COL20A1: variants seen among roughly 807,000 people sequenced by gnomAD.
The protein encoded by COL20A1 is collagen alpha-1(XX) chain.
Under a neutral mutation model 152.9 loss-of-function variants are expected in COL20A1, and 164 were observed. The ratio of observed to expected loss-of-function variants is 1.07; its 90% CI spans 0.94 to 1.22. The LOEUF is 1.22. Ranked by LOEUF, COL20A1 falls within the 50% of genes most tolerant of loss-of-function variation. The pLI is 0.00. For missense variants in COL20A1, 1,873 were observed against 1,744.8 expected, an observed-to-expected ratio of 1.07 and a Z score of -1.31; for synonymous variants, 864 against 756.0, an observed-to-expected ratio of 1.14 and a Z score of -2.34.
At position 63,312,473 on chromosome 20, in the gene COL20A1, C is replaced by T. The variant is rs1601421006; in HGVS notation, c.1857C>T (p.Ser619=). 6.2e-7 allele frequency: 1 copy of T among 1,608,608 alleles called. No individual in the cohort carries two copies. The highest frequency in any genetic ancestry group is 8.5e-7 in the Non-Finnish European group (1 of 1,178,682). Residue 619 remains serine (S), a synonymous_variant, in exon 15 of 36, where the codon TCC becomes TCT. Coordinates refer to ENST00000358894, the MANE Select transcript of COL20A1 (RefSeq NM_020882.4). ...TSATLGPLSS[S]TTYTVRVTCL... Reference sequence around the variant, plus strand: ...CCACGCTGGGGCCTCTCTCTTCCTCCACCACCTACACTGTCCGTGTCACCT... The same window carrying T: ...CCACGCTGGGGCCTCTCTCTTCCTCTACCACCTACACTGTCCGTGTCACCT...
chr20:63,312,619 C>G (rs2068024702), intron 15 of COL20A1, 70 bp downstream of exon 15: 1 of 1,498,506 alleles, frequency 6.7e-7, no homozygotes, highest in Non-Finnish European at 8.9e-7. Context: ...CTAGACAGTT[C>G]ACATCAAGTG....
chr20:63,328,862 TATC>T (rs2068294342), intron 34 of COL20A1, among the ~76,000 whole-genome samples: 2 of 140,994 alleles, frequency 1.4e-5, no homozygotes, highest in South Asian at 5.3e-4. Flanking sequence ...CCCGCCCTCT[TATC>T]CTCCTGGCTG....
intron 21 of COL20A1, among the ~76,000 whole-genome samples, chr20:63,317,069 G>A (rs1435439616): frequency 6.6e-6 from 1 of 152,220 alleles, no homozygotes; most frequent in Non-Finnish European, 1.5e-5. Flanking sequence ...CTTTGCATGA[G>A]ATTTGGGACA....
In COL20A1 at chr20:63,316,633, T is replaced by C; in HGVS notation, c.2605T>C (p.Phe869Leu). 6.3e-7 allele frequency: 1 copy of C among 1,579,422 alleles called. No homozygotes were observed. The highest frequency in any genetic ancestry group is 8.6e-7 in the Non-Finnish European group (1 of 1,163,208). The stretch of plus-strand genomic sequence containing the variant: ...GGGCGTGGCCATGGAGCCCTCTGCC[T>C]TCGGTGGGACCCCGACCTTCACGCT... ...IRGVAMEPSA[F>L]GGTPTFTLFK... Residue 869 changes from phenylalanine (F) to leucine (L), a missense_variant, in exon 21 of 36, where the codon TTC becomes CTC. Transcript: ENST00000358894.
Position 63,307,477 on chromosome 20 carries a change from C to G in COL20A1, c.497-13C>G. The G allele has an allele frequency of 6.2e-7, 1 of 1,608,058 alleles. No homozygotes were observed. The highest frequency in any genetic ancestry group is 2.2e-5 in the East Asian group (1 of 44,864). ...GGCCTCACCTAGCACCTGACCCGCTCCCACCGCCCCAGCCGGCCCCCAGTT... is the reference window on the plus strand; with the variant it reads ...GGCCTCACCTAGCACCTGACCCGCTGCCACCGCCCCAGCCGGCCCCCAGTT... On this transcript the variant is annotated splice_polypyrimidine_tract_variant and intron_variant, in intron 5 of 35. Coordinates refer to ENST00000358894, the MANE Select transcript of COL20A1 (RefSeq NM_020882.4).
chr20:63,311,869 G>A lies in COL20A1; in HGVS notation c.1664-47G>A. The A allele has an allele frequency of 4.6e-6, 7 of 1,507,118 alleles. No individual in the cohort carries two copies. The highest frequency in any genetic ancestry group is 6.2e-6 in the Non-Finnish European group (7 of 1,128,532). The allele number at this position is 1,507,118 out of a possible 1,614,324, so 93.4% of individuals were successfully genotyped here. ...CCAGCCACTGCCCACCCTTGCCCCT[G>A]CCATGGAGGCCGCGTGCTGGCCTTG... On this transcript the variant is annotated intron_variant, in intron 13 of 35. Transcript: ENST00000358894. The surrounding 1 kb of genome is among the most constrained non-coding windows in gnomAD (Gnocchi z 4.4).
In COL20A1 at chr20:63,309,384, G is replaced by A. The variant is rs1163789579; in HGVS notation, c.992G>A (p.Arg331Lys). 6 of 1,549,778 alleles carry A rather than the reference G, an allele frequency of 3.9e-6. No individual in the cohort carries two copies. The highest frequency in any genetic ancestry group is 4.4e-6 in the Non-Finnish European group (5 of 1,143,614). The change falls in exon 9 of 36, where the codon AGG (arginine) becomes AAG (lysine). Residue 331 changes from arginine to lysine, a missense_variant. Coordinates refer to ENST00000358894, the MANE Select transcript of COL20A1 (RefSeq NM_020882.4). Reference sequence around the variant, plus strand: ...CTGAGGCTCCTGGCGTCCCCGCCGAGGGACATCACCGTCCACAGCGTGCTG... The same window carrying A: ...CTGAGGCTCCTGGCGTCCCCGCCGAAGGACATCACCGTCCACAGCGTGCTG... ...AELRLLASPP[R>K]DITVHSVLDF...
At chr20:63,297,857 T>G (rs2067817836) in intron 2 of COL20A1, 53 bp from the exon 3 acceptor site, 1 of 1,383,890 alleles carries the variant, frequency 7.2e-7, no homozygotes, top group East Asian at 2.3e-5. Flanking sequence ...CACAGCTGAT[T>G]AGGTGGATGG....
At chr20:63,308,131 ACCT>A (rs765459663) in intron 7 of COL20A1, 41 bp downstream of exon 7, 1 of 1,581,220 alleles carries the variant, frequency 6.3e-7, no homozygotes, top group East Asian at 2.2e-5. Context: ...CTGAGGGCGG[ACCT>A]CCTTCTGCCG....
At chr20:63,325,630 C>T in intron 28 of COL20A1, 38 bp from the exon 29 acceptor site, 1 of 1,593,236 alleles carries the variant, frequency 6.3e-7, no homozygotes, top group Non-Finnish European at 8.6e-7. Flanking sequence ...GGATGTGACC[C>T]TGGCCCCTGC....
rs371022180 is a variant in COL20A1 at position 63,320,043 on chromosome 20, A to T, written c.2921A>T (p.His974Leu). The T allele has an allele frequency of 8.0e-5, 125 of 1,553,508 alleles. No individual in the cohort carries two copies. The Middle Eastern group carries it at 1.2e-3, about 15-fold the overall frequency. The change falls in exon 24 of 36, where the codon CAC becomes CTC. Residue 974 changes from histidine (H) to leucine (L), a missense_variant. Physicochemically the swap from His to Leu is moderately conservative, Grantham distance 99. Coordinates refer to ENST00000358894, the MANE Select transcript of COL20A1 (RefSeq NM_020882.4). ...KIFFGSFHKV[H>L]VAVGRSKVRL... ...ACCTCCCGTGCCGTCTCACAGGTGC[A>T]CGTGGCTGTGGGCCGCTCCAAGGTC...
chr20:63,313,834 C>T lies in COL20A1; in HGVS notation c.2301C>T (p.Arg767=), dbSNP rs778775738. The T allele has an allele frequency of 2.1e-5, 34 of 1,611,256 alleles. No individual in the cohort carries two copies. The highest frequency in any genetic ancestry group is 6.7e-5 in the East Asian group (3 of 44,872). Residue 767 remains arginine (R), a synonymous_variant, in exon 18 of 36, where the codon CGC becomes CGT. Transcript: ENST00000358894. The surrounding 1 kb of genome is among the most constrained non-coding windows in gnomAD (Gnocchi z 5.9). ...TCAGCTGGACGCCCCCGCTTGGCCGCGTGCTCCATTACTGGCTCACCTACG... is the reference window on the plus strand; with the variant it reads ...TCAGCTGGACGCCCCCGCTTGGCCGTGTGCTCCATTACTGGCTCACCTACG... ...LQVSWTPPLG[R]VLHYWLTYAP...
At position 63,312,433 on chromosome 20, in the gene COL20A1, G is replaced by T; in HGVS notation, c.1817G>T (p.Gly606Val). The change falls in exon 15 of 36, where the codon GGG (glycine) becomes GTG (valine). Residue 606 changes from glycine to valine, a missense_variant. Gly to Val is a moderately radical substitution (Grantham distance 109, BLOSUM62 -3). Coordinates refer to ENST00000358894, the MANE Select transcript of COL20A1 (RefSeq NM_020882.4). ...CACCTGCTGCAGACAGAGGCTCCTG[G>T]GAACGCCACCTCGGCCACGCTGGGG... is the stretch of plus-strand genomic sequence containing the variant. Reference protein sequence around the residue: ...GGHSGQTEAPGNATSATLGPL... With the variant: ...GGHSGQTEAPVNATSATLGPL... The T allele has an allele frequency of 6.3e-7, 1 of 1,596,664 alleles. No homozygotes were observed. The highest frequency in any genetic ancestry group is 8.5e-7 in the Non-Finnish European group (1 of 1,174,050).
At position 63,320,176 on chromosome 20, in the gene COL20A1, C is replaced by T. The variant is rs1246910125; in HGVS notation, c.3054C>T (p.Gly1018=). ...VTLGRLAKAR[G]PRSSSAAFQL... ...TGGGGAGGCTGGCCAAGGCCAGGGG[C>T]CCCCGGAGCAGTTCGGCCGCGGTGA... Residue 1018 remains glycine, a synonymous_variant, in exon 24 of 36, where the codon GGC becomes GGT. Coordinates refer to ENST00000358894, the MANE Select transcript of COL20A1 (RefSeq NM_020882.4). 2.6e-6 allele frequency: 4 copies of T among 1,562,580 alleles called. No individual in the cohort carries two copies. The highest frequency in any genetic ancestry group is 3.5e-6 in the Non-Finnish European group (4 of 1,156,056).
At position 63,311,124 on chromosome 20, in the gene COL20A1, T is replaced by C. The variant is rs1488951481; in HGVS notation, c.1394-270T>C. Among the ~76,000 whole-genome samples the C allele has an allele frequency of 6.6e-6, 1 of 152,026 alleles. No homozygotes were observed. The highest frequency in any genetic ancestry group is 1.5e-5 in the Non-Finnish European group (1 of 68,006). ...CAGTGCAGACTTTTGTGTCTGGGTG[T>C]TTCCCAAAGCCCTTTTCACCCCCCG... On this transcript the variant is annotated intron_variant, in intron 11 of 35. Transcript: ENST00000358894. This position sits in a 1 kb window ranked among gnomAD's most constrained non-coding sequence, Gnocchi z 4.4.
Position 63,308,631 on chromosome 20 carries a change from G to A in COL20A1, c.865G>A (p.Asp289Asn), listed in dbSNP as rs532441541. Residue 289 changes from aspartate (D) to asparagine (N), a missense_variant, in exon 8 of 36, where the codon GAC (aspartate) becomes AAC (asparagine). By Grantham distance (23) the Asp-to-Asn change is conservative. Transcript: ENST00000358894. ...AGCCAAGGTGGTGATTCTGGTGACG[G>A]ACGGCAAGTCCCAGGACGATGTGCA... ...EAAKVVILVT[D>N]GKSQDDVHTA... is the part of the protein sequence containing the mutation. The A allele has an allele frequency of 4.4e-6, 7 of 1,607,054 alleles. No individual in the cohort carries two copies. In the African/African-American group the frequency reaches 9.3e-5, roughly 21 times the overall value.
At position 63,309,611 on chromosome 20, in the gene COL20A1, A is replaced by AG. The variant is rs981491187; in HGVS notation, c.1105+119dup. 5.6e-6 allele frequency: 7 copies of AG among 1,257,464 alleles called. No individual in the cohort carries two copies. The African/African-American group carries it at 7.6e-5, about 14-fold the overall frequency. The allele number at this position is 1,257,464 out of a possible 1,614,324, so 77.9% of individuals were successfully genotyped here. A position where few individuals can be genotyped will look rare whatever the true frequency, so the allele number is the denominator to read the frequency against. ...CCTGAGGCCGGCTCCTGTGGCTCTG[A>AG]GGGGGTCTGCAGCACCCCCTTACAT... On this transcript the variant is annotated intron_variant, in intron 9 of 35. Transcript: ENST00000358894.
intron 8 of COL20A1, among the ~76,000 whole-genome samples, chr20:63,309,028 C>T (rs6011726): frequency 0.044 from 6,648 of 152,254 alleles, 225 homozygotes; most frequent in Middle Eastern, 0.11. Context: ...TGGTGACTCC[C>T]GCCTGCTGTG....
intron 21 of COL20A1, among the ~76,000 whole-genome samples, chr20:63,318,160 T>TG (rs1318440771): frequency 6.6e-6 from 1 of 151,970 alleles, no homozygotes; most frequent in Non-Finnish European, 1.5e-5. Context: ...GCCTGAGAAG[T>TG]GGGGGCAGAT....
Sources: gnomAD v4.1 joint callset for allele counts (sites outside exome capture counted in the v4.1 genomes callset) on GRCh38, gnomAD v4.1.1 for gene constraint, Gnocchi (gnomAD v3.1) non-coding constraint, MANE v1.5 for transcripts, NCBI Gene and HGNC (gene_info 2026-07-23, HGNC 2026-07-21) for gene names.